Variants in PPP1R42 observed in about 807,000 individuals in gnomAD.
PPP1R42 encodes the protein leucine rich repeat containing 67.
A neutral mutation model predicts 31.0 loss-of-function variants in PPP1R42; 34 were observed. That is an observed-to-expected ratio of 1.10 (90% CI 0.83 to 1.46). The LOEUF (loss-of-function observed/expected upper bound fraction) is 1.46, where lower values mean the gene tolerates loss of function less well. PPP1R42 is among the 40% of genes most tolerant of loss of function. PPP1R42 has a pLI of 0.00. For missense variants in PPP1R42, 268 were observed against 303.0 expected (o/e 0.88, Z 0.86); for synonymous variants, 103 against 109.8 (o/e 0.94, Z 0.39).
intron 1 of PPP1R42, chr8:67,021,322 C>G (rs79705511): frequency 6.6e-6 from 1 of 152,058 alleles, no homozygotes; most frequent in South Asian, 2.1e-4. Flanking sequence ...TATTCTTAGA[C>G]TCTTCAAAAT....
intron 5 of PPP1R42, among the ~76,000 whole-genome samples, chr8:67,008,071 A>T (rs1384451940): frequency 6.6e-6 from 1 of 151,716 alleles, no homozygotes; most frequent in Non-Finnish European, 1.5e-5. Flanking sequence ...TATTTTTAGT[A>T]GAGATGGGGT....
At chr8:66,976,251 A>G (rs1263115952) in intron 7 of PPP1R42, among the ~76,000 whole-genome samples, 2 of 152,166 alleles carry the variant, frequency 1.3e-5, no homozygotes, top group Non-Finnish European at 2.9e-5. Flanking sequence ...GTTGCAGGAA[A>G]AAAAGCTCAG....
At chr8:67,010,607 A>T in intron 5 of PPP1R42, 108 bp downstream of exon 5, 2 of 749,290 alleles carry the variant, frequency 2.7e-6, no homozygotes, top group East Asian at 5.5e-5. Flanking sequence ...TTTAGAACAA[A>T]TCCAGAGTAG....
intron 5 of PPP1R42, among the ~76,000 whole-genome samples, chr8:66,991,569 C>A (rs960077838): frequency 6.6e-6 from 1 of 152,174 alleles, no homozygotes. Flanking sequence ...AGTGGGTCAT[C>A]CGTCCACCAA....
Position 66,979,569 on chromosome 8 carries a change from T to G in PPP1R42, c.802+2480A>C, listed in dbSNP as rs144561190. ...ATTGGTTTCTGGGTTCTCTATTCTG[T>G]TCTACTAGTCTATGTTTCTGTTTTT... On this transcript the variant is annotated intron_variant, in intron 7 of 7. Coordinates refer to ENST00000685739, the MANE Select transcript of PPP1R42 (RefSeq NM_001364910.1). 1.4e-4 allele frequency among the ~76,000 whole-genome samples: 21 copies of G among 152,304 alleles called. 1 individual carries two copies. The East Asian group carries it at 2.7e-3, about 20-fold the overall frequency.
chr8:66,980,974 C>G (rs1814813641), intron 7 of PPP1R42, among the ~76,000 whole-genome samples: 1 of 151,516 alleles, frequency 6.6e-6, no homozygotes. Context: ...TCCCGAGTAG[C>G]TGGGATTACA....
intron 5 of PPP1R42, among the ~76,000 whole-genome samples, chr8:66,990,381 GTTTA>G (rs769766335): frequency 2.6e-5 from 4 of 152,142 alleles, no homozygotes; most frequent in Non-Finnish European, 5.9e-5. Flanking sequence ...TCCAGTGTAT[GTTTA>G]TTTAAGACTA....
intron 7 of PPP1R42, among the ~76,000 whole-genome samples, chr8:66,977,940 T>C (rs1240654399): frequency 6.6e-6 from 1 of 152,228 alleles, no homozygotes; most frequent in African/African-American, 2.4e-5. Context: ...TAAGCCACCA[T>C]GTCCAGCACC....
rs1057487248 is a variant in PPP1R42, at chr8:67,028,550, C to T, written c.-144G>A. 1.7e-4 allele frequency: 172 copies of T among 985,404 alleles called. No individual in the cohort carries two copies. The highest frequency in any genetic ancestry group is 2.0e-4 in the Non-Finnish European group (165 of 829,984). The allele number at this position is 985,404 out of a possible 1,614,324, so 61.0% of individuals were successfully genotyped here. A position where few individuals can be genotyped will look rare whatever the true frequency, so the allele number is the denominator to read the frequency against. Reference sequence around the variant, plus strand: ...TGGTCGGTTTCATCGGCGCCGGGTCCCTACGCAGACCAGCGGCGGTTGCTG... The same window carrying T: ...TGGTCGGTTTCATCGGCGCCGGGTCTCTACGCAGACCAGCGGCGGTTGCTG... On this transcript the variant is annotated 5_prime_UTR_variant, in exon 1 of 8. Coordinates refer to ENST00000685739, the MANE Select transcript of PPP1R42 (RefSeq NM_001364910.1).
chr8:66,981,371 A>ATTTTTT (rs1169140869), intron 7 of PPP1R42, among the ~76,000 whole-genome samples: 8 of 144,564 alleles, frequency 5.5e-5, no homozygotes, highest in Non-Finnish European at 1.2e-4. Flanking sequence ...GAAAAATGTG[A>ATTTTTT]TTTTTGCACT....
intron 7 of PPP1R42, among the ~76,000 whole-genome samples, chr8:66,968,939 G>A (rs1045925710): frequency 2.0e-5 from 3 of 152,162 alleles, no homozygotes; most frequent in African/African-American, 7.2e-5. Context: ...TTCACTTGAT[G>A]GTGGCAGAGG....
chr8:66,992,866 G>A (rs1346705697), intron 5 of PPP1R42, among the ~76,000 whole-genome samples: 2 of 152,138 alleles, frequency 1.3e-5, no homozygotes, highest in Non-Finnish European at 2.9e-5. Context: ...GCATTTCTTT[G>A]TACTCTCTCC....
chr8:66,987,196 T>C (rs949430395), intron 6 of PPP1R42, among the ~76,000 whole-genome samples: 3 of 152,096 alleles, frequency 2.0e-5, no homozygotes, highest in African/African-American at 7.2e-5. Flanking sequence ...TAATCTCTTC[T>C]TCCTCATGTT....
intron 4 of PPP1R42, among the ~76,000 whole-genome samples, chr8:67,012,447 C>T (rs1815870228): frequency 6.6e-6 from 1 of 152,020 alleles, no homozygotes. Flanking sequence ...CAGTTGGGGC[C>T]CCAACCCCAG....
intron 5 of PPP1R42, among the ~76,000 whole-genome samples, chr8:67,005,720 C>T (rs761322786): frequency 6.6e-6 from 1 of 152,134 alleles, no homozygotes; most frequent in Non-Finnish European, 1.5e-5. Flanking sequence ...TACTTCCAAA[C>T]CCACCCACTC....
At chr8:66,980,591 G>C (rs1201413470) in intron 7 of PPP1R42, among the ~76,000 whole-genome samples, 2 of 151,988 alleles carry the variant, frequency 1.3e-5, no homozygotes, top group Non-Finnish European at 2.9e-5. Context: ...CTCTCCACCC[G>C]TGCTCCTCCT....
chr8:66,997,308 T>C (rs1407923938), intron 5 of PPP1R42, among the ~76,000 whole-genome samples: 1 of 152,134 alleles, frequency 6.6e-6, no homozygotes, highest in Admixed American at 6.5e-5. Flanking sequence ...ATTTTATTTA[T>C]TTTATTTTTG....
rs559280560 is a variant in PPP1R42 at position 66,970,993 on chromosome 8, A to G, written c.803-6659T>C. ...TGAAAGAACCTACCCCATCTCTTAA[A>G]TAATTTTAGTGTAATCTTCTCAGGA... On this transcript the variant is annotated intron_variant, in intron 7 of 7. Transcript: ENST00000685739. 840 of 1,523,204 alleles carry G rather than the reference A, an allele frequency of 5.5e-4. 3 individuals are homozygous for G. The highest frequency in any genetic ancestry group is 5.1e-3 in the Middle Eastern group (30 of 5,918). The allele number at this position is 1,523,204 out of a possible 1,614,324, so 94.4% of individuals were successfully genotyped here. A position where few individuals can be genotyped will look rare whatever the true frequency, so the allele number is the denominator to read the frequency against.
At chr8:66,966,252 C>T (rs1162407274) in intron 7 of PPP1R42, among the ~76,000 whole-genome samples, 1 of 152,140 alleles carries the variant, frequency 6.6e-6, no homozygotes, top group African/African-American at 2.4e-5. Context: ...CTTAGTCACC[C>T]CCTCACCTGT....
Sources: gnomAD v4.1 joint callset for allele counts (sites outside exome capture counted in the v4.1 genomes callset) on GRCh38, gnomAD v4.1.1 for gene constraint, MANE v1.5 for transcripts, NCBI Gene and HGNC (gene_info 2026-07-23, HGNC 2026-07-21) for gene names.